The following CCDC149 variants were observed in gnomAD, a reference collection of about 807,000 sequenced individuals.
CCDC149 encodes coiled-coil domain containing 149, also known as coiled-coil domain-containing protein 149.
Under a neutral mutation model 59.9 loss-of-function variants are expected in CCDC149, and 45 were observed. That is an observed-to-expected ratio of 0.75 (90% CI 0.59 to 0.96). The LOEUF is 0.96. CCDC149 is among the 40% of genes least tolerant of loss of function. The pLI is 0.00. For missense variants in CCDC149, 584 were observed against 664.7 expected (o/e 0.88, Z 1.33); for synonymous variants, 245 against 260.6 (o/e 0.94, Z 0.58).
chr4:24,875,083 C>T (rs183615359), intron 2 of CCDC149, among the ~76,000 whole-genome samples: 51 of 152,170 alleles, frequency 3.4e-4, no homozygotes, highest in African/African-American at 1.0e-3. Context: ...GCGAGGCGGG[C>T]AGATCACGAG....
At chr4:24,850,334 C>T (rs564772838) in intron 4 of CCDC149, among the ~76,000 whole-genome samples, 4 of 152,236 alleles carry the variant, frequency 2.6e-5, no homozygotes, top group African/African-American at 4.8e-5. Flanking sequence ...TTGGGGCTGT[C>T]GGTGCCACGC....
chr4:24,883,252 T>C (rs1719956028), intron 1 of CCDC149, among the ~76,000 whole-genome samples: 3 of 152,050 alleles, frequency 2.0e-5, no homozygotes, highest in East Asian at 3.9e-4. Context: ...TATCAGGGTG[T>C]ATCCCCTGCA....
intron 1 of CCDC149, among the ~76,000 whole-genome samples, chr4:24,910,336 G>C (rs1239825733): frequency 1.3e-5 from 2 of 152,026 alleles, no homozygotes; most frequent in African/African-American, 2.4e-5. Context: ...CTAAATCCAG[G>C]GTGATCTCAT....
intron 1 of CCDC149, among the ~76,000 whole-genome samples, chr4:24,954,493 T>C (rs1723406234): frequency 6.6e-6 from 1 of 152,258 alleles, no homozygotes; most frequent in South Asian, 2.1e-4. Flanking sequence ...ACTCCACAGC[T>C]TGTACACTCT....
At position 24,836,516 on chromosome 4, in the gene CCDC149, A is replaced by G; in HGVS notation, c.663-8T>C. On this transcript the variant is annotated splice_polypyrimidine_tract_variant and splice_region_variant and intron_variant, in intron 6 of 12. Coordinates refer to ENST00000635206, the MANE Select transcript of CCDC149 (RefSeq NM_001330643.2). ...AATCTCTCTTGAAGGTACCTGAAAAAGAATACATAAAACTAGGAGGTGTTT... is the reference window on the plus strand; with the variant it reads ...AATCTCTCTTGAAGGTACCTGAAAAGGAATACATAAAACTAGGAGGTGTTT... 2 of 1,592,388 alleles carry G rather than the reference A, an allele frequency of 1.3e-6. No individual in the cohort carries two copies. The highest frequency in any genetic ancestry group is 1.3e-5 in the African/African-American group (1 of 74,632).
intron 12 of CCDC149, 65 bp downstream of exon 12, chr4:24,819,794 C>T: frequency 8.9e-7 from 1 of 1,121,760 alleles, no homozygotes; most frequent in South Asian, 1.3e-5. Context: ...GACCGATGTC[C>T]ATTGAGCCAC....
intron 1 of CCDC149, among the ~76,000 whole-genome samples, chr4:24,906,364 AATTTTATTTT>A (rs1553859579): frequency 1.0e-3 from 42 of 42,036 alleles, no homozygotes; most frequent in East Asian, 5.5e-3. Context: ...CAGCGGAACA[AATTTTATTTT>A]ATTTTATTTT....
intron 3 of CCDC149, among the ~76,000 whole-genome samples, chr4:24,854,025 C>G (rs544234048): frequency 6.6e-6 from 1 of 152,282 alleles, no homozygotes; most frequent in South Asian, 2.1e-4. Flanking sequence ...GTCTCCATGG[C>G]CAGTCCATCA....
intron 12 of CCDC149, among the ~76,000 whole-genome samples, chr4:24,813,099 C>T (rs993654221): frequency 6.6e-5 from 10 of 152,078 alleles, no homozygotes; most frequent in Non-Finnish European, 1.2e-4. Flanking sequence ...TTAGATGAGT[C>T]ATGAAATGGG....
At chr4:24,886,376 C>T (rs1007976805) in intron 1 of CCDC149, among the ~76,000 whole-genome samples, 1 of 152,216 alleles carries the variant, frequency 6.6e-6, no homozygotes, top group Non-Finnish European at 1.5e-5. Context: ...ACATTTCAGT[C>T]TGGACTCTGT....
intron 1 of CCDC149, among the ~76,000 whole-genome samples, chr4:24,887,645 C>G (rs1399133997): frequency 6.6e-6 from 1 of 152,058 alleles, no homozygotes; most frequent in Non-Finnish European, 1.5e-5. Context: ...AACCTCCCTT[C>G]CCCGCCTCCA....
rs959962737 is a variant in CCDC149 at position 24,847,466 on chromosome 4, A to G, written c.372+5606T>C. 7.9e-5 allele frequency among the ~76,000 whole-genome samples: 12 copies of G among 152,224 alleles called. No homozygotes were observed. In the East Asian group the frequency reaches 2.3e-3, roughly 29 times the overall value. On this transcript the variant is annotated intron_variant, in intron 4 of 12. Coordinates refer to ENST00000635206, the MANE Select transcript of CCDC149 (RefSeq NM_001330643.2). ...TTATTTTCTTATTATCTACTCCCCA[A>G]CTAGAATATCAGTACCATGGGAGCT...
intron 1 of CCDC149, among the ~76,000 whole-genome samples, chr4:24,949,167 AC>A: frequency 6.6e-6 from 1 of 152,250 alleles, no homozygotes; most frequent in Non-Finnish European, 1.5e-5. Context: ...TTCCTGGAAC[AC>A]TGTCCATTCT....
chr4:24,977,654 T>A (rs1479549549), intron 1 of CCDC149, among the ~76,000 whole-genome samples: 1 of 152,146 alleles, frequency 6.6e-6, no homozygotes, highest in African/African-American at 2.4e-5. Context: ...CCAGCTCTAG[T>A]CCCAGCCCTG....
chr4:24,860,009 C>G (rs557224618), intron 3 of CCDC149, among the ~76,000 whole-genome samples: 1 of 152,266 alleles, frequency 6.6e-6, no homozygotes, highest in South Asian at 2.1e-4. Context: ...GTGAAAATGA[C>G]CATACTGCCA....
chr4:24,809,096 T>G (rs181634060), intron 12 of CCDC149, among the ~76,000 whole-genome samples: 2 of 152,304 alleles, frequency 1.3e-5, no homozygotes, highest in East Asian at 3.9e-4. Context: ...CCTGGTTAGC[T>G]TCTGTTCCAT....
In CCDC149 at chr4:24,839,000, A is replaced by ACTCT. The variant is rs36052894; in HGVS notation, c.373-732_373-729dup. Reference sequence around the variant, plus strand: ...CAGTATGACTAAAATTATACTAAGAACTCTCTCTCTCTCTCTCTCTCTCTC... The same window carrying ACTCT: ...CAGTATGACTAAAATTATACTAAGAACTCTCTCTCTCTCTCTCTCTCTCTCTCTC... On this transcript the variant is annotated intron_variant, in intron 4 of 12. Transcript: ENST00000635206. Among the ~76,000 whole-genome samples the ACTCT allele has an allele frequency of 4.6e-3, 587 of 128,756 alleles. 5 individuals are homozygous for ACTCT. Among genetic ancestry groups the ACTCT allele is most frequent in the Non-Finnish European group, 6.8e-3 (419 of 62,060 alleles). The allele number at this position is 128,756 out of a possible 152,430, so 84.5% of individuals were successfully genotyped here.
chr4:24,950,652 A>G (rs1383563577), intron 1 of CCDC149, among the ~76,000 whole-genome samples: 3 of 152,252 alleles, frequency 2.0e-5, no homozygotes, highest in African/African-American at 7.2e-5. Flanking sequence ...TCATCTATGA[A>G]ATGGGGATAA....
chr4:24,879,417 T>C (rs1303976449), intron 1 of CCDC149, among the ~76,000 whole-genome samples: 2 of 151,226 alleles, frequency 1.3e-5, no homozygotes, highest in Non-Finnish European at 2.9e-5. Flanking sequence ...CTGAGGAAGC[T>C]GAGGCAGGAG....
Sources: gnomAD v4.1 joint callset for allele counts (sites outside exome capture counted in the v4.1 genomes callset) on GRCh38, gnomAD v4.1.1 for gene constraint, MANE v1.5 for transcripts, NCBI Gene and HGNC (gene_info 2026-07-23, HGNC 2026-07-21) for gene names.